Variants in IQCK observed in about 807,000 individuals in gnomAD.
The protein encoded by IQCK is IQ motif containing K.
A neutral mutation model predicts 28.1 loss-of-function variants in IQCK; 29 were observed. The observed-to-expected ratio is 1.03, with a 90% CI of 0.77 to 1.41. IQCK has a LOEUF of 1.41. Ranked by LOEUF, IQCK falls within the 40% of genes most tolerant of loss-of-function variation. The pLI is 0.00. For missense variants in IQCK, 359 were observed against 314.7 expected, an observed-to-expected ratio of 1.14 and a Z score of -1.07; for synonymous variants, 113 against 115.1, an observed-to-expected ratio of 0.98 and a Z score of 0.12.
chr16:19,850,460 C>T (rs571573283), intron 9 of IQCK, among the ~76,000 whole-genome samples: 2 of 152,212 alleles, frequency 1.3e-5, no homozygotes, highest in Non-Finnish European at 2.9e-5. Flanking sequence ...TCCTAGAAAT[C>T]GGGAGCTAAT....
At chr16:19,734,191 C>T (rs1977931672) in intron 3 of IQCK, among the ~76,000 whole-genome samples, 2 of 151,640 alleles carry the variant, frequency 1.3e-5, no homozygotes, top group Admixed American at 1.3e-4. Context: ...TACATCTCTA[C>T]AAAAAATTTA....
chr16:19,724,754 A>C (rs1977603398), intron 1 of IQCK, among the ~76,000 whole-genome samples: 1 of 151,994 alleles, frequency 6.6e-6, no homozygotes, highest in Non-Finnish European at 1.5e-5. Flanking sequence ...GGATGGTCTC[A>C]ATCTCCTGAC....
At chr16:19,809,888 C>T (rs531266038) in intron 7 of IQCK, among the ~76,000 whole-genome samples, 4 of 152,260 alleles carry the variant, frequency 2.6e-5, no homozygotes, top group East Asian at 3.9e-4. Context: ...TGCCAGTCTA[C>T]GGATCCGACT....
intron 9 of IQCK, among the ~76,000 whole-genome samples, chr16:19,837,907 G>A (rs953998227): frequency 1.3e-5 from 2 of 152,210 alleles, no homozygotes; most frequent in African/African-American, 2.4e-5. Flanking sequence ...TCCTTTGCGA[G>A]GCTCTTCTCA....
chr16:19,853,787 G>A (rs954947298), intron 9 of IQCK, among the ~76,000 whole-genome samples: 1 of 152,110 alleles, frequency 6.6e-6, no homozygotes, highest in African/African-American at 2.4e-5. Context: ...CTGCCACCAC[G>A]CCCAGCTAAT....
chr16:19,757,283 T>C (rs2055065577), intron 4 of IQCK, among the ~76,000 whole-genome samples: 1 of 152,216 alleles, frequency 6.6e-6, no homozygotes, highest in Non-Finnish European at 1.5e-5. Flanking sequence ...GCTAGCTGTT[T>C]CTCTTCTCAG....
intron 9 of IQCK, among the ~76,000 whole-genome samples, chr16:19,833,945 A>C (rs2056264120): frequency 1.3e-5 from 2 of 152,148 alleles, no homozygotes; most frequent in South Asian, 4.1e-4. Flanking sequence ...AAAATTAGCC[A>C]GGCGTGCTAG....
chr16:19,855,669 A>C (rs2141130410), intron 9 of IQCK, among the ~76,000 whole-genome samples: 1 of 152,220 alleles, frequency 6.6e-6, no homozygotes, highest in African/African-American at 2.4e-5. Context: ...AGTTGCTGGG[A>C]GGTCAGGACG....
At position 19,743,881 on chromosome 16, in the gene IQCK, G is replaced by A. The variant is rs572741666; in HGVS notation, c.474+8431G>A. ...ACCATGAAACTCCAAGGAAGACCAG[G>A]GGGAACAGAGCAGACAGAGAAACAG... On this transcript the variant is annotated intron_variant, in intron 4 of 7. Coordinates refer to ENST00000564186, the Ensembl canonical transcript of IQCK. Among the ~76,000 whole-genome samples, 118 of 152,274 alleles carry A rather than the reference G, an allele frequency of 7.7e-4. 1 individual carries two copies. Among genetic ancestry groups the A allele is most frequent in the Non-Finnish European group, 1.4e-3 (92 of 68,030 alleles).
chr16:19,822,399 A>AG, intron 7 of IQCK, among the ~76,000 whole-genome samples: 1 of 151,896 alleles, frequency 6.6e-6, no homozygotes, highest in African/African-American at 2.4e-5. Context: ...AAAAAAAAAA[A>AG]AAAAAAGCAA....
At chr16:19,850,762 C>T (rs1335254384) in intron 9 of IQCK, among the ~76,000 whole-genome samples, 4 of 152,078 alleles carry the variant, frequency 2.6e-5, no homozygotes, top group African/African-American at 9.7e-5. Context: ...CACCTGTGAC[C>T]CTATCATCTT....
intron 6 of IQCK, among the ~76,000 whole-genome samples, chr16:19,776,867 A>G (rs2055403668): frequency 6.6e-6 from 1 of 152,186 alleles, no homozygotes; most frequent in Non-Finnish European, 1.5e-5. Flanking sequence ...CCTCTTTTGT[A>G]GTATATAGTC....
chr16:19,858,122 G>A, exon 10 of IQCK: 1 of 185,712 alleles, frequency 5.4e-6, no homozygotes, highest in Non-Finnish European at 1.1e-5. Context: ...CTTGCTCCAC[G>A]GGGGGCAGCT....
downstream of IQCK, among the ~76,000 whole-genome samples, chr16:19,828,265 G>A (rs1352855515): frequency 2.6e-5 from 3 of 114,980 alleles, no homozygotes; most frequent in Admixed American, 2.3e-4. Flanking sequence ...ATGGAGTCTC[G>A]CTCTGTCGCT....
intron 4 of IQCK, among the ~76,000 whole-genome samples, chr16:19,762,367 G>T (rs1199232254): frequency 6.6e-6 from 1 of 152,122 alleles, no homozygotes; most frequent in Non-Finnish European, 1.5e-5. Flanking sequence ...TGGATTTGGG[G>T]TAAAGCAATA....
downstream of IQCK, among the ~76,000 whole-genome samples, chr16:19,830,400 C>T (rs756004453): frequency 6.6e-6 from 1 of 152,188 alleles, no homozygotes; most frequent in Non-Finnish European, 1.5e-5. Flanking sequence ...CAGCCTGCAG[C>T]AGAGGGGCTG....
chr16:19,814,755 A>G (rs1310568152), intron 7 of IQCK, among the ~76,000 whole-genome samples: 1 of 151,832 alleles, frequency 6.6e-6, no homozygotes, highest in Non-Finnish European at 1.5e-5. Context: ...TAAATAGACA[A>G]AAGGCCGAAA....
chr16:19,742,039 T>C (rs1368027663), intron 4 of IQCK, among the ~76,000 whole-genome samples: 1 of 152,102 alleles, frequency 6.6e-6, no homozygotes, highest in Non-Finnish European at 1.5e-5. Flanking sequence ...TGGAGAAGCT[T>C]GAAAGGCAGG....
chr16:19,731,770 G>A (rs1347322255), intron 2 of IQCK, among the ~76,000 whole-genome samples: 1 of 152,292 alleles, frequency 6.6e-6, no homozygotes, highest in Non-Finnish European at 1.5e-5. Context: ...CACGATTACG[G>A]AGGCTGAGAA....
Sources: allele counts gnomAD v4.1 joint callset (sites outside exome capture counted in the v4.1 genomes callset), GRCh38; gene constraint gnomAD v4.1.1; transcripts MANE v1.5; gene names NCBI Gene and HGNC (gene_info 2026-07-23, HGNC 2026-07-21).